The following SCIMP variants were observed in gnomAD, a reference collection of about 807,000 sequenced individuals.
SCIMP encodes the protein SLP adaptor and CSK interacting membrane protein, also known as SLP adapter and CSK-interacting membrane protein.
A neutral mutation model predicts 22.0 loss-of-function variants in SCIMP; 18 were observed. The ratio of observed to expected loss-of-function variants is 0.82; its 90% CI spans 0.56 to 1.21. The LOEUF (loss-of-function observed/expected upper bound fraction) is 1.21. Among genes scored for constraint, SCIMP ranks in the 50% most tolerant of loss-of-function variants. The probability of loss-of-function intolerance (pLI) is 0.00; values close to 1 mark genes in which losing one functional copy is unlikely to be tolerated. For missense variants in SCIMP, 155 were observed against 171.2 expected (o/e 0.91, Z 0.53); for synonymous variants, 53 against 62.2 (o/e 0.85, Z 0.70).
chr17:5,229,366 G>A (rs1479402789), intron 1 of SCIMP, among the ~76,000 whole-genome samples: 4 of 145,868 alleles, frequency 2.7e-5, no homozygotes, highest in African/African-American at 7.6e-5. Flanking sequence ...GAATTTCTGA[G>A]ACTGTGGGTT....
intron 1 of SCIMP, 157 bp downstream of exon 1, chr17:5,234,578 T>A: frequency 1.4e-6 from 1 of 723,920 alleles, no homozygotes; most frequent in Non-Finnish European, 2.3e-6. Flanking sequence ...CAAGTTTTTC[T>A]CCAACCCTAC....
chr17:5,225,474 G>C (rs1408070918), intron 1 of SCIMP, among the ~76,000 whole-genome samples: 1 of 149,922 alleles, frequency 6.7e-6, no homozygotes, highest in African/African-American at 2.5e-5. Flanking sequence ...CAAAACAAAA[G>C]CAAAGGCTGG....
chr17:5,211,257 C>G (rs1567836512), intron 4 of SCIMP, among the ~76,000 whole-genome samples: 1 of 152,166 alleles, frequency 6.6e-6, no homozygotes, highest in East Asian at 1.9e-4. Context: ...TGCAGAAGCT[C>G]ACACCTGTAG....
intron 1 of SCIMP, among the ~76,000 whole-genome samples, chr17:5,232,349 T>TATAAACAGTGCAGA (rs2074704952): frequency 6.6e-6 from 1 of 152,228 alleles, no homozygotes. Flanking sequence ...AGGGGTGGAA[T>TATAAACAGTGCAGA]ATAAACAGTG....
intron 4 of SCIMP, among the ~76,000 whole-genome samples, chr17:5,211,953 C>T (rs1464247367): frequency 6.6e-6 from 1 of 151,820 alleles, no homozygotes; most frequent in Admixed American, 6.6e-5. Context: ...GAGGTTGAGA[C>T]AGGAGAATTG....
chr17:5,209,117 A>T lies in SCIMP; in HGVS notation c.*1684T>A, dbSNP rs995250479. ...GTTAGATAACTACTGGCCTAACATA[A>T]GGAGGGTTTATTTATTTATTTATTT... On this transcript the variant is annotated 3_prime_UTR_variant, in exon 5 of 5. Transcript: ENST00000574081. The T allele has an allele frequency of 1.3e-5, 2 of 151,976 alleles. No homozygotes were observed. Among genetic ancestry groups the T allele is most frequent in the African/African-American group, 4.8e-5 (2 of 41,288 alleles). 9.4% of individuals were successfully genotyped at this position (151,976 alleles called of 1,614,324 possible).
intron 1 of SCIMP, among the ~76,000 whole-genome samples, chr17:5,223,958 C>T (rs1266138082): frequency 6.6e-6 from 1 of 152,220 alleles, no homozygotes; most frequent in Non-Finnish European, 1.5e-5. Flanking sequence ...TGTCACTCGA[C>T]CTTCTGTGAG....
At chr17:5,223,208 A>G (rs1259955498) in intron 2 of SCIMP, 125 bp downstream of exon 2, 35 of 1,006,400 alleles carry the variant, frequency 3.5e-5, no homozygotes, top group Non-Finnish European at 4.7e-5. Flanking sequence ...CCCAGAATGC[A>G]AGATGCTTAA....
intron 4 of SCIMP, among the ~76,000 whole-genome samples, chr17:5,212,582 C>T (rs4790752): frequency 0.33 from 50,721 of 151,898 alleles, 9,906 homozygotes; most frequent in Non-Finnish European, 0.45. Context: ...TGCAGTGAGC[C>T]GAGATTGCGC....
At chr17:5,226,207 C>T (rs899959214) in intron 1 of SCIMP, among the ~76,000 whole-genome samples, 1 of 152,236 alleles carries the variant, frequency 6.6e-6, no homozygotes, top group African/African-American at 2.4e-5. Context: ...TGTTGCTTTT[C>T]GTTATAAACT....
chr17:5,224,516 G>C (rs2074633283), intron 1 of SCIMP, among the ~76,000 whole-genome samples: 1 of 151,432 alleles, frequency 6.6e-6, no homozygotes, highest in Admixed American at 6.6e-5. Context: ...AGGCTGGAGT[G>C]CAGTGGCGCG....
At chr17:5,215,276 T>TCC in intron 3 of SCIMP, 2 of 328,684 alleles carry the variant, frequency 6.1e-6, no homozygotes, top group Non-Finnish European at 1.1e-5. Context: ...CTGGTTCACC[T>TCC]GAGCTGGATT....
chr17:5,234,434 G>A (rs190307093), intron 1 of SCIMP, among the ~76,000 whole-genome samples: 40 of 150,392 alleles, frequency 2.7e-4, no homozygotes, highest in Non-Finnish European at 5.0e-4. Flanking sequence ...TCTCACTCCC[G>A]GTCATTATCT....
intron 3 of SCIMP, among the ~76,000 whole-genome samples, chr17:5,219,484 T>A (rs2074589876): frequency 6.6e-6 from 1 of 150,712 alleles, no homozygotes; most frequent in Admixed American, 6.6e-5. Context: ...AAAAATTAGC[T>A]GGGCATAGTG....
intron 1 of SCIMP, among the ~76,000 whole-genome samples, chr17:5,229,720 C>T (rs1220022507): frequency 6.6e-6 from 1 of 151,620 alleles, no homozygotes; most frequent in African/African-American, 2.4e-5. Context: ...AAAAGAAGAT[C>T]TTCAGTAAGA....
chr17:5,215,148 T>A, intron 3 of SCIMP, 150 bp from the exon 4 acceptor site: 1 of 577,674 alleles, frequency 1.7e-6, no homozygotes. Flanking sequence ...CCTTTGTAGG[T>A]CCTGGTTCCC....
intron 2 of SCIMP, among the ~76,000 whole-genome samples, chr17:5,221,837 A>G (rs1365364797): frequency 6.6e-6 from 1 of 152,154 alleles, no homozygotes; most frequent in Admixed American, 6.6e-5. Context: ...CAGTGGCGCA[A>G]TCTCGGCTCA....
intron 2 of SCIMP, among the ~76,000 whole-genome samples, chr17:5,222,413 G>A (rs895921345): frequency 7.2e-5 from 11 of 151,964 alleles, no homozygotes; most frequent in Non-Finnish European, 1.5e-4. Context: ...AAAGGAATGA[G>A]AGGTCAAGAT....
chr17:5,221,253 A>G lies in SCIMP; in HGVS notation c.209+34T>C, dbSNP rs757741375. 3.6e-5 allele frequency: 55 copies of G among 1,514,748 alleles called. 1 individual carries two copies. The Admixed American group carries it at 5.7e-4, about 16-fold the overall frequency. 93.8% of individuals were successfully genotyped at this position (1,514,748 alleles called of 1,614,324 possible). A position where few individuals can be genotyped will look rare whatever the true frequency, so the allele number is the denominator to read the frequency against. ...GGTGGAAGGGAACAGGCAGTTCTCA[A>G]CAGTAAAAAGCGGAAGGATTCCCCC... On this transcript the variant is annotated intron_variant, in intron 3 of 4. Coordinates refer to ENST00000574081, the MANE Select transcript of SCIMP (RefSeq NM_207103.3).
Sources: gnomAD v4.1 joint callset for allele counts (sites outside exome capture counted in the v4.1 genomes callset) on GRCh38, gnomAD v4.1.1 for gene constraint, MANE v1.5 for transcripts, NCBI Gene and HGNC (gene_info 2026-07-23, HGNC 2026-07-21) for gene names.